GALNTL6: variants seen among roughly 807,000 people sequenced by gnomAD.
The protein encoded by GALNTL6 is polypeptide N-acetylgalactosaminyltransferase-like 6.
Under a neutral mutation model 73.7 loss-of-function variants are expected in GALNTL6, and 46 were observed. The observed-to-expected ratio is 0.62, with a 90% CI of 0.49 to 0.80. The LOEUF (loss-of-function observed/expected upper bound fraction) is 0.80, where lower values mean the gene tolerates loss of function less well. Among genes scored for constraint, GALNTL6 ranks in the 30% least tolerant of loss-of-function variants. The pLI is 0.00. For missense variants in GALNTL6, 604 were observed against 755.0 expected, an observed-to-expected ratio of 0.80 and a Z score of 2.34; for synonymous variants, 259 against 263.7, an observed-to-expected ratio of 0.98 and a Z score of 0.17.
intron 10 of GALNTL6, among the ~76,000 whole-genome samples, chr4:172,960,670 A>C (rs1750000903): frequency 6.6e-6 from 1 of 152,166 alleles, no homozygotes; most frequent in African/African-American, 2.4e-5. Context: ...CCATTTGCCC[A>C]TTTTACGACA....
chr4:172,947,115 A>T (rs1384834347), intron 9 of GALNTL6, among the ~76,000 whole-genome samples: 2 of 152,174 alleles, frequency 1.3e-5, no homozygotes, highest in African/African-American at 4.8e-5. Context: ...GGGGTCAAAT[A>T]CTTCATCTTA....
chr4:172,004,167 A>G (rs1038897588), intron 2 of GALNTL6, among the ~76,000 whole-genome samples: 50 of 152,264 alleles, frequency 3.3e-4, no homozygotes, highest in Middle Eastern at 3.4e-3. Flanking sequence ...TTGGTGCCAA[A>G]TTAAACCTTT....
At chr4:172,606,667 A>ATATAG (rs1304452218) in intron 5 of GALNTL6, among the ~76,000 whole-genome samples, 781 of 44,824 alleles carry the variant, frequency 0.017, 14 homozygotes, top group African/African-American at 0.03. Context: ...TATATACTAT[A>ATATAG]TATATATACT....
chr4:171,944,846 G>C (rs1322790512), intron 2 of GALNTL6, among the ~76,000 whole-genome samples: 1 of 151,426 alleles, frequency 6.6e-6, no homozygotes, highest in Non-Finnish European at 1.5e-5. Context: ...TTAATAATTT[G>C]TCTTTTGTTG....
At chr4:172,300,354 G>A (rs908370981) in intron 3 of GALNTL6, among the ~76,000 whole-genome samples, 1 of 151,972 alleles carries the variant, frequency 6.6e-6, no homozygotes, top group African/African-American at 2.4e-5. Flanking sequence ...TTAATTGGAG[G>A]ATTTAGCCCA....
At chr4:172,155,231 C>T (rs550001460) in intron 2 of GALNTL6, among the ~76,000 whole-genome samples, 1 of 152,302 alleles carries the variant, frequency 6.6e-6, no homozygotes, top group African/African-American at 2.4e-5. Flanking sequence ...CTCCAGACTT[C>T]AAGTGATCCA....
chr4:171,927,023 C>T (rs990886834), intron 2 of GALNTL6, among the ~76,000 whole-genome samples: 15 of 151,310 alleles, frequency 9.9e-5, no homozygotes, highest in African/African-American at 2.2e-4. Context: ...TTAACCTATA[C>T]GTAATTTTTT....
At chr4:172,121,726 G>A (rs1187313157) in intron 2 of GALNTL6, among the ~76,000 whole-genome samples, 1 of 152,120 alleles carries the variant, frequency 6.6e-6, no homozygotes, top group East Asian at 1.9e-4. Flanking sequence ...CAATATGTCT[G>A]TTCCACAGGT....
intron 5 of GALNTL6, among the ~76,000 whole-genome samples, chr4:172,653,374 C>T (rs566200444): frequency 2.0e-5 from 3 of 151,984 alleles, no homozygotes; most frequent in Non-Finnish European, 4.4e-5. Context: ...CTTATGCCAC[C>T]ATACCTGGCT....
intron 2 of GALNTL6, among the ~76,000 whole-genome samples, chr4:172,109,510 G>A (rs1732792099): frequency 6.6e-6 from 1 of 152,172 alleles, no homozygotes; most frequent in Admixed American, 6.5e-5. Context: ...TCTGAAACAT[G>A]ACTAAAATAA....
At chr4:171,971,889 G>A (rs1452612397) in intron 2 of GALNTL6, among the ~76,000 whole-genome samples, 1 of 152,168 alleles carries the variant, frequency 6.6e-6, no homozygotes, top group African/African-American at 2.4e-5. Flanking sequence ...GTTTGTGTGT[G>A]TATGTGTGTG....
intron 8 of GALNTL6, among the ~76,000 whole-genome samples, chr4:172,902,868 G>T (rs997645499): frequency 1.2e-4 from 18 of 152,028 alleles, no homozygotes; most frequent in Non-Finnish European, 7.4e-5. Context: ...GCCAACCCTG[G>T]GCTAAGCTCC....
At chr4:173,027,277 C>G (rs1220955315) in intron 12 of GALNTL6, among the ~76,000 whole-genome samples, 2 of 152,176 alleles carry the variant, frequency 1.3e-5, no homozygotes, top group African/African-American at 4.8e-5. Flanking sequence ...GCCACCGCGC[C>G]CAGCCCTCCC....
At chr4:172,096,759 A>G (rs1732369347) in intron 2 of GALNTL6, among the ~76,000 whole-genome samples, 1 of 152,192 alleles carries the variant, frequency 6.6e-6, no homozygotes, top group Non-Finnish European at 1.5e-5. Flanking sequence ...AAAATAAAGA[A>G]CTGAGTCAAT....
At chr4:172,257,996 C>G (rs1486350452) in intron 3 of GALNTL6, among the ~76,000 whole-genome samples, 1 of 151,208 alleles carries the variant, frequency 6.6e-6, no homozygotes, top group African/African-American at 2.4e-5. Context: ...AGATCCAGGC[C>G]GTGTGTAACA....
intron 5 of GALNTL6, among the ~76,000 whole-genome samples, chr4:172,368,745 G>T (rs918325020): frequency 1.4e-5 from 2 of 142,756 alleles, no homozygotes; most frequent in East Asian, 4.1e-4. Flanking sequence ...CTTCCCTCTG[G>T]TGGGTTCTTG....
rs190601409 is a variant in GALNTL6 at position 172,804,671 on chromosome 4, G to A, written c.554-4690G>A. On this transcript the variant is annotated intron_variant, in intron 5 of 12. Coordinates refer to ENST00000506823, the MANE Select transcript of GALNTL6 (RefSeq NM_001034845.3). Reference sequence around the variant, plus strand: ...AATACTGATGGTCACTAGCTTGTCAGCCCTCTCGGGAACAATCCCTCAAAG... The same window carrying A: ...AATACTGATGGTCACTAGCTTGTCAACCCTCTCGGGAACAATCCCTCAAAG... 8.1e-4 allele frequency among the ~76,000 whole-genome samples: 123 copies of A among 152,316 alleles called. No individual in the cohort carries two copies. In the South Asian group the frequency reaches 0.017, roughly 21 times the overall value.
At chr4:172,215,817 C>T (rs770167413) in intron 2 of GALNTL6, among the ~76,000 whole-genome samples, 2 of 151,988 alleles carry the variant, frequency 1.3e-5, no homozygotes, top group African/African-American at 2.4e-5. Context: ...GTAGTTTTAA[C>T]TATTTTATAT....
At chr4:172,554,958 C>T (rs561076221) in intron 5 of GALNTL6, among the ~76,000 whole-genome samples, 1 of 152,230 alleles carries the variant, frequency 6.6e-6, no homozygotes, top group South Asian at 2.1e-4. Context: ...CAGTTACCAA[C>T]AAGTTGTTAA....
Sources: gnomAD v4.1 joint callset for allele counts (sites outside exome capture counted in the v4.1 genomes callset) on GRCh38, gnomAD v4.1.1 for gene constraint, MANE v1.5 for transcripts, NCBI Gene and HGNC (gene_info 2026-07-23, HGNC 2026-07-21) for gene names.